Variants in ASTN2 observed in about 807,000 individuals in gnomAD.
ASTN2 encodes the protein astrotactin-2.
A neutral mutation model predicts 139.8 loss-of-function variants in ASTN2; 54 were observed. The observed-to-expected ratio is 0.39, with a 90% CI of 0.31 to 0.48. The LOEUF (loss-of-function observed/expected upper bound fraction) is 0.48, where lower values mean the gene tolerates loss of function less well. Among genes scored for constraint, ASTN2 ranks in the 20% least tolerant of loss-of-function variants. The pLI, the probability that ASTN2 is intolerant of heterozygous loss-of-function variation, is 0.95. For missense variants in ASTN2, 1,565 were observed against 1,725.1 expected (o/e 0.91, Z 1.64); for synonymous variants, 756 against 719.5 (o/e 1.05, Z -0.81).
chr9:116,813,747 A>C (rs1048178150), intron 12 of ASTN2, among the ~76,000 whole-genome samples: 5 of 152,230 alleles, frequency 3.3e-5, no homozygotes, highest in African/African-American at 9.6e-5. Flanking sequence ...AAAAATATTA[A>C]GAATAGGCCA....
intron 20 of ASTN2, among the ~76,000 whole-genome samples, chr9:116,464,060 A>G: frequency 6.6e-6 from 1 of 152,010 alleles, no homozygotes; most frequent in East Asian, 1.9e-4. Flanking sequence ...TTCTGTCTCT[A>G]TATAGCCAGA....
At chr9:116,663,997 A>C (rs1453125173) in intron 16 of ASTN2, among the ~76,000 whole-genome samples, 1 of 152,158 alleles carries the variant, frequency 6.6e-6, no homozygotes, top group Non-Finnish European at 1.5e-5. Flanking sequence ...GCAGTTATAA[A>C]TTCTGGAAAT....
chr9:117,173,014 T>G (rs1278431174), intron 3 of ASTN2, among the ~76,000 whole-genome samples: 2 of 152,156 alleles, frequency 1.3e-5, no homozygotes, highest in Non-Finnish European at 2.9e-5. Flanking sequence ...TGGAACTACC[T>G]AGGCTTCTTG....
intron 5 of ASTN2, among the ~76,000 whole-genome samples, chr9:117,077,533 A>G (rs1287111746): frequency 6.6e-6 from 1 of 152,204 alleles, no homozygotes; most frequent in Admixed American, 6.5e-5. Context: ...AAATCACTTA[A>G]GCCCAGGAGT....
chr9:117,414,023 T>C lies in ASTN2; in HGVS notation c.442+474A>G, dbSNP rs1276791649. 6.6e-6 allele frequency among the ~76,000 whole-genome samples: 1 copy of C among 152,144 alleles called. No homozygotes were observed. The highest frequency in any genetic ancestry group is 6.5e-5 in the Admixed American group (1 of 15,280). On this transcript the variant is annotated intron_variant, in intron 1 of 22. Coordinates refer to ENST00000313400, the MANE Select transcript of ASTN2 (RefSeq NM_001365068.1). This position sits in a 1 kb window ranked among gnomAD's most constrained non-coding sequence, Gnocchi z 4.2. ...ATTCCACACGGAACTACTCCATTCC[T>C]ACTCTCATGAAAATCCATCTGGAAG... is the stretch of plus-strand genomic sequence containing the variant.
chr9:116,461,623 T>C (rs1187482154), intron 20 of ASTN2, among the ~76,000 whole-genome samples: 1 of 152,034 alleles, frequency 6.6e-6, no homozygotes, highest in African/African-American at 2.4e-5. Context: ...TGGGTTAAGA[T>C]TTCGTATGCC....
At chr9:116,627,445 A>G (rs987183093) in intron 17 of ASTN2, among the ~76,000 whole-genome samples, 4 of 152,220 alleles carry the variant, frequency 2.6e-5, no homozygotes, top group African/African-American at 9.6e-5. Flanking sequence ...AGAAACATTC[A>G]CTACACCAAG....
chr9:116,699,857 T>C lies in ASTN2; in HGVS notation c.2806+25914A>G, dbSNP rs549577425. The C allele has an allele frequency of 1.4e-5, 14 of 1,028,314 alleles. No homozygotes were observed. Among genetic ancestry groups the C allele is most frequent in the Middle Eastern group, 2.8e-4 (1 of 3,566 alleles). 63.7% of individuals were successfully genotyped at this position (1,028,314 alleles called of 1,614,324 possible). On this transcript the variant is annotated intron_variant, in intron 16 of 22. Transcript: ENST00000313400. The surrounding 1 kb of genome is among the most constrained non-coding windows in gnomAD (Gnocchi z 4.2). ...TCAGAAGCTCCATCTTTTAATGTTT[T>C]TATTTGTTATGTCCCCCTCCCCGCT...
At chr9:117,265,948 T>C (rs768519269) in intron 2 of ASTN2, among the ~76,000 whole-genome samples, 4 of 152,198 alleles carry the variant, frequency 2.6e-5, no homozygotes, top group Non-Finnish European at 4.4e-5. Flanking sequence ...GAATATTTCC[T>C]ATAAAACTTA....
At chr9:117,381,403 G>A (rs1244607113) in intron 1 of ASTN2, among the ~76,000 whole-genome samples, 1 of 152,146 alleles carries the variant, frequency 6.6e-6, no homozygotes, top group Non-Finnish European at 1.5e-5. Flanking sequence ...AGTGTTGGAG[G>A]TGGGGCCTGG....
intron 1 of ASTN2, among the ~76,000 whole-genome samples, chr9:117,346,393 C>G (rs1454647932): frequency 6.6e-6 from 1 of 152,166 alleles, no homozygotes; most frequent in Non-Finnish European, 1.5e-5. Flanking sequence ...TATTATCCTA[C>G]AGAATTCAGA....
chr9:116,846,050 C>T (rs1273683433), intron 11 of ASTN2, among the ~76,000 whole-genome samples: 2 of 152,178 alleles, frequency 1.3e-5, no homozygotes, highest in Admixed American at 1.3e-4. Context: ...CTGACACACG[C>T]TGCAGCATGG....
At chr9:116,845,582 C>T (rs1832404701) in intron 11 of ASTN2, among the ~76,000 whole-genome samples, 1 of 152,150 alleles carries the variant, frequency 6.6e-6, no homozygotes, top group African/African-American at 2.4e-5. Flanking sequence ...CTTGAATAGA[C>T]ATTTCTCTAA....
chr9:116,601,657 T>C (rs1438125564), intron 19 of ASTN2, among the ~76,000 whole-genome samples: 4 of 152,184 alleles, frequency 2.6e-5, no homozygotes, highest in Non-Finnish European at 5.9e-5. Flanking sequence ...AGATAACTGC[T>C]TTAAGAAACT....
chr9:117,325,443 G>A (rs1460023539), intron 1 of ASTN2, among the ~76,000 whole-genome samples: 1 of 152,130 alleles, frequency 6.6e-6, no homozygotes, highest in Non-Finnish European at 1.5e-5. Context: ...TCAAGTCTGA[G>A]CTGGGCAGAC....
intron 19 of ASTN2, among the ~76,000 whole-genome samples, chr9:116,516,220 G>T (rs1850642491): frequency 6.6e-6 from 1 of 152,108 alleles, no homozygotes; most frequent in South Asian, 2.1e-4. Context: ...GAGACTTAAG[G>T]CTCCAAATAT....
intron 16 of ASTN2, among the ~76,000 whole-genome samples, chr9:116,661,121 A>C (rs1385269000): frequency 1.3e-5 from 2 of 152,162 alleles, no homozygotes; most frequent in African/African-American, 4.8e-5. Flanking sequence ...AGTACTGGCC[A>C]GTGTCTTGGC....
At chr9:116,700,874 G>C (rs1861136660) in intron 16 of ASTN2, 1 of 166,308 alleles carries the variant, frequency 6.0e-6, no homozygotes, top group Non-Finnish European at 1.5e-5. Context: ...TATCTACCCA[G>C]GTCAAAATTC....
chr9:117,219,231 A>G (rs956911874), intron 2 of ASTN2, among the ~76,000 whole-genome samples: 1 of 152,102 alleles, frequency 6.6e-6, no homozygotes, highest in African/African-American at 2.4e-5. Context: ...ACACCCATAG[A>G]ATTACATACT....
Sources: allele counts gnomAD v4.1 joint callset (sites outside exome capture counted in the v4.1 genomes callset), GRCh38; gene constraint gnomAD v4.1.1; non-coding constraint Gnocchi (gnomAD v3.1); transcripts MANE v1.5; gene names NCBI Gene and HGNC (gene_info 2026-07-23, HGNC 2026-07-21).